Variants in WWOX observed in about 807,000 individuals in gnomAD.
The protein encoded by WWOX is WW domain-containing oxidoreductase.
WWOX carries 69 observed loss-of-function variants against 46.2 expected under a neutral mutation model. That is an observed-to-expected ratio of 1.49 (90% CI 1.23 to 1.82). The LOEUF is 1.82. Ranked by LOEUF, WWOX falls within the 40% of genes most tolerant of loss-of-function variation. The probability of loss-of-function intolerance (pLI) is 0.00; values close to 1 mark genes in which losing one functional copy is unlikely to be tolerated. For synonymous variants in WWOX, 359 were observed against 202.6 expected (o/e 1.77, Z -6.56); for missense variants, 919 against 542.6 (o/e 1.69, Z -6.89).
intron 8 of WWOX, among the ~76,000 whole-genome samples, chr16:78,932,466 G>A (rs1045518584): frequency 2.0e-5 from 3 of 152,140 alleles, no homozygotes; most frequent in African/African-American, 7.2e-5. Context: ...TGTGCACACC[G>A]ACAGCCACAG....
intron 8 of WWOX, among the ~76,000 whole-genome samples, chr16:78,822,028 C>G (rs984215553): frequency 6.6e-6 from 1 of 152,134 alleles, no homozygotes; most frequent in Non-Finnish European, 1.5e-5. Context: ...AGGCATGCAC[C>G]ACCATGCCCA....
At chr16:79,165,072 C>A (rs945637542) in intron 8 of WWOX, among the ~76,000 whole-genome samples, 10 of 151,246 alleles carry the variant, frequency 6.6e-5, no homozygotes, top group Non-Finnish European at 1.5e-4. Context: ...TCTGAAGTAT[C>A]ACTTATCCTA....
At chr16:79,043,441 C>T (rs183788761) in intron 8 of WWOX, among the ~76,000 whole-genome samples, 1 of 152,112 alleles carries the variant, frequency 6.6e-6, no homozygotes, top group African/African-American at 2.4e-5. Context: ...GAACTGAACT[C>T]AACTTAAAAT....
At chr16:78,829,768 C>T (rs1467257608) in intron 8 of WWOX, among the ~76,000 whole-genome samples, 1 of 152,162 alleles carries the variant, frequency 6.6e-6, no homozygotes, top group African/African-American at 2.4e-5. Context: ...ATCCCAAGAT[C>T]CTACAGGAAT....
chr16:78,153,218 G>A (rs72804928), intron 4 of WWOX, among the ~76,000 whole-genome samples: 20,649 of 152,192 alleles, frequency 0.14, 1,520 homozygotes, highest in South Asian at 0.2. Flanking sequence ...GCTAGTCATT[G>A]CAGATGTGGC....
intron 8 of WWOX, among the ~76,000 whole-genome samples, chr16:79,050,850 C>T (rs1011573233): frequency 4.6e-5 from 7 of 152,194 alleles, no homozygotes; most frequent in Non-Finnish European, 1.0e-4. Flanking sequence ...AAACTTCTTG[C>T]ACTGAGCTTT....
intron 5 of WWOX, among the ~76,000 whole-genome samples, chr16:78,378,932 C>T (rs892973490): frequency 6.6e-6 from 1 of 152,186 alleles, no homozygotes; most frequent in African/African-American, 2.4e-5. Flanking sequence ...GGTGTTACGT[C>T]TTCAAGAATA....
intron 8 of WWOX, among the ~76,000 whole-genome samples, chr16:78,643,880 C>A (rs1032534261): frequency 2.0e-5 from 3 of 150,184 alleles, no homozygotes; most frequent in Non-Finnish European, 3.0e-5. Flanking sequence ...TAATTAGTAA[C>A]CTGCAGCTCC....
chr16:78,141,671 G>A (rs1868638531), intron 4 of WWOX, among the ~76,000 whole-genome samples: 2 of 152,080 alleles, frequency 1.3e-5, no homozygotes, highest in Non-Finnish European at 2.9e-5. Context: ...GCTTTAGAGA[G>A]TGTGTTTATT....
chr16:78,866,472 C>T (rs1462146642), intron 8 of WWOX, among the ~76,000 whole-genome samples: 2 of 151,844 alleles, frequency 1.3e-5, no homozygotes, highest in East Asian at 3.9e-4. Flanking sequence ...TGTGTGGGTA[C>T]CTCTTGTTCC....
intron 8 of WWOX, among the ~76,000 whole-genome samples, chr16:78,675,506 C>G (rs746940203): frequency 6.6e-6 from 1 of 152,124 alleles, no homozygotes; most frequent in Non-Finnish European, 1.5e-5. Flanking sequence ...GCACTTACAA[C>G]TAGTGACTCA....
chr16:79,144,566 A>G (rs770625538), intron 8 of WWOX, among the ~76,000 whole-genome samples: 5 of 152,178 alleles, frequency 3.3e-5, no homozygotes, highest in African/African-American at 4.8e-5. Flanking sequence ...GCACTAAGCT[A>G]TTGAATTTTG....
chr16:79,183,572 C>T (rs1312629382), intron 8 of WWOX, among the ~76,000 whole-genome samples: 1 of 152,218 alleles, frequency 6.6e-6, no homozygotes, highest in East Asian at 1.9e-4. Context: ...TACTCTCCCT[C>T]TCCAGTGCTG....
intron 8 of WWOX, among the ~76,000 whole-genome samples, chr16:78,762,062 T>G (rs2049807783): frequency 1.3e-5 from 2 of 152,222 alleles, no homozygotes; most frequent in Non-Finnish European, 1.5e-5. Flanking sequence ...GTCAACTCTG[T>G]GCTGGCCTTT....
chr16:78,389,215 AG>A (rs2082125815), intron 6 of WWOX, among the ~76,000 whole-genome samples: 1 of 152,194 alleles, frequency 6.6e-6, no homozygotes, highest in Non-Finnish European at 1.5e-5. Flanking sequence ...AACTATCAAG[AG>A]GCACCTCAAC....
At chr16:78,269,324 CA>C (rs143182660) in intron 5 of WWOX, among the ~76,000 whole-genome samples, 2,762 of 152,268 alleles carry the variant, frequency 0.018, 78 homozygotes, top group African/African-American at 0.059. Flanking sequence ...TAATGTTCTG[CA>C]AACCCGGATA....
At chr16:78,539,365 C>T (rs957786693) in intron 8 of WWOX, among the ~76,000 whole-genome samples, 3 of 152,190 alleles carry the variant, frequency 2.0e-5, no homozygotes, top group Admixed American at 2.0e-4. Context: ...CTGCTAGGGG[C>T]TCTTGTCATA....
chr16:78,997,676 C>A (rs1325147071), intron 8 of WWOX, among the ~76,000 whole-genome samples: 1 of 152,114 alleles, frequency 6.6e-6, no homozygotes, highest in African/African-American at 2.4e-5. Flanking sequence ...CCCCTCTCCT[C>A]CCCTCCCTTC....
chr16:78,964,169 A>G (rs1021410769), intron 8 of WWOX, among the ~76,000 whole-genome samples: 2 of 152,214 alleles, frequency 1.3e-5, no homozygotes, highest in East Asian at 1.9e-4. Context: ...AGATATCTGA[A>G]AATGTGGAAG....
Sources: gnomAD v4.1 joint callset for allele counts (sites outside exome capture counted in the v4.1 genomes callset) on GRCh38, gnomAD v4.1.1 for gene constraint, MANE v1.5 for transcripts, NCBI Gene and HGNC (gene_info 2026-07-23, HGNC 2026-07-21) for gene names.